The following MIPOL1 variants were observed in gnomAD, a reference collection of about 807,000 sequenced individuals.
MIPOL1 encodes the protein mirror-image polydactyly 1.
In MIPOL1, 57 loss-of-function variants were observed where a neutral mutation model predicts 60.9. The ratio of observed to expected loss-of-function variants is 0.94; its 90% CI spans 0.76 to 1.17. The LOEUF is 1.17. MIPOL1 is among the 50% of genes most tolerant of loss of function. The probability of loss-of-function intolerance (pLI) is 0.00; values close to 1 mark genes in which losing one functional copy is unlikely to be tolerated. For synonymous variants in MIPOL1, 179 were observed against 168.8 expected (o/e 1.06, Z -0.47); for missense variants, 551 against 511.6 (o/e 1.08, Z -0.74).
chr14:37,425,472 T>C (rs1227691161), intron 11 of MIPOL1, among the ~76,000 whole-genome samples: 5 of 152,172 alleles, frequency 3.3e-5, no homozygotes, highest in African/African-American at 1.2e-4. Flanking sequence ...ACAACTACTT[T>C]TCTCACTGCT....
chr14:37,474,095 G>A (rs1029661172), intron 11 of MIPOL1, among the ~76,000 whole-genome samples: 3 of 152,110 alleles, frequency 2.0e-5, no homozygotes, highest in South Asian at 4.1e-4. Flanking sequence ...TTCATGGCTC[G>A]ATAGTTCTTT....
intron 7 of MIPOL1, among the ~76,000 whole-genome samples, chr14:37,299,708 C>G (rs1264096911): frequency 1.3e-5 from 2 of 152,216 alleles, no homozygotes; most frequent in Non-Finnish European, 2.9e-5. Context: ...TTGTTAACAT[C>G]TTAAATTACC....
At position 37,285,333 on chromosome 14, in the gene MIPOL1, T is replaced by C. The variant is rs763341881; in HGVS notation, c.509T>C (p.Val170Ala). The change falls in exon 7 of 13, where the codon GTG becomes GCG. Residue 170 changes from valine to alanine, a missense_variant. Coordinates refer to ENST00000684589, the MANE Select transcript of MIPOL1 (RefSeq NM_001388067.1). ...ATTTTGGTAGCTCTGGTTGAAGAAG[T>C]GTATTTTGCGCAGAAGGAACGTGAT... ...AEKTAALVEE[V>A]YFAQKERDEA... 1.2e-6 allele frequency: 2 copies of C among 1,614,032 alleles called. No individual in the cohort carries two copies. The highest frequency in any genetic ancestry group is 8.5e-7 in the Non-Finnish European group (1 of 1,179,962).
chr14:37,367,838 T>C (rs955384426), intron 9 of MIPOL1, among the ~76,000 whole-genome samples: 4 of 152,120 alleles, frequency 2.6e-5, no homozygotes, highest in Non-Finnish European at 5.9e-5. Context: ...GTACAGTTAG[T>C]GCTATGCCGT....
At chr14:37,240,744 A>G (rs1485993492) in intron 1 of MIPOL1, among the ~76,000 whole-genome samples, 1 of 152,038 alleles carries the variant, frequency 6.6e-6, no homozygotes, top group African/African-American at 2.4e-5. Context: ...GCAGTGCCAT[A>G]TTCATTCTCA....
chr14:37,261,669 G>A (rs565559295), intron 3 of MIPOL1, among the ~76,000 whole-genome samples: 1 of 152,266 alleles, frequency 6.6e-6, no homozygotes, highest in South Asian at 2.1e-4. Context: ...TAGCAAAGCA[G>A]ATTCTAAAGA....
chr14:37,234,895 C>A (rs1371721408), intron 1 of MIPOL1, among the ~76,000 whole-genome samples: 1 of 151,792 alleles, frequency 6.6e-6, no homozygotes, highest in Admixed American at 6.6e-5. Context: ...CCTGCCTCAG[C>A]CTCCCGAGTA....
intron 4 of MIPOL1, 146 bp from the exon 5 acceptor site, chr14:37,268,512 G>A (rs41307090): frequency 0.021 from 11,973 of 564,960 alleles, 368 homozygotes; most frequent in African/African-American, 0.11. Context: ...TTTAATATAA[G>A]GCCTTCAAAA....
At chr14:37,382,378 A>T (rs2092948041) in intron 10 of MIPOL1, among the ~76,000 whole-genome samples, 2 of 152,052 alleles carry the variant, frequency 1.3e-5, no homozygotes, top group Admixed American at 6.6e-5. Context: ...TAAACTTACT[A>T]TTGTCAAATG....
intron 11 of MIPOL1, among the ~76,000 whole-genome samples, chr14:37,470,561 A>C (rs2094671641): frequency 6.6e-6 from 1 of 152,000 alleles, no homozygotes; most frequent in Non-Finnish European, 1.5e-5. Context: ...CATGCTTGTA[A>C]GTTTTCTGAG....
In MIPOL1 at chr14:37,375,467, G is replaced by A. The variant is rs112741432; in HGVS notation, c.936+5843G>A. 2.0e-5 allele frequency among the ~76,000 whole-genome samples: 3 copies of A among 152,176 alleles called. 1 individual carries two copies. Among genetic ancestry groups the A allele is most frequent in the African/African-American group, 7.2e-5 (3 of 41,524 alleles). On this transcript the variant is annotated intron_variant, in intron 10 of 12. Coordinates refer to ENST00000684589, the MANE Select transcript of MIPOL1 (RefSeq NM_001388067.1). Reference sequence around the variant, plus strand: ...CCCACAGTGCGGGGATTACAGACATGAGCTGCCATGCCCAGCCTCCTTTTT... The same window carrying A: ...CCCACAGTGCGGGGATTACAGACATAAGCTGCCATGCCCAGCCTCCTTTTT...
chr14:37,304,680 A>G (rs892657450), intron 7 of MIPOL1, among the ~76,000 whole-genome samples: 6 of 151,842 alleles, frequency 4.0e-5, no homozygotes, highest in African/African-American at 9.7e-5. Flanking sequence ...TTCAGAAAAG[A>G]AAAGGGTGAT....
chr14:37,253,551 G>A (rs970907166), intron 3 of MIPOL1, among the ~76,000 whole-genome samples: 2 of 151,672 alleles, frequency 1.3e-5, no homozygotes, highest in Non-Finnish European at 3.0e-5. Context: ...TAAAACAAAG[G>A]TGGTTGACAA....
At chr14:37,397,026 T>C (rs1034964491) in intron 10 of MIPOL1, 3 of 152,150 alleles carry the variant, frequency 2.0e-5, no homozygotes, top group Admixed American at 1.3e-4. Flanking sequence ...TGAGTTAGTA[T>C]GATTTTTGGG....
chr14:37,369,165 G>T (rs1188356580), intron 9 of MIPOL1, among the ~76,000 whole-genome samples: 3 of 151,856 alleles, frequency 2.0e-5, no homozygotes, highest in Non-Finnish European at 4.4e-5. Flanking sequence ...AATCCAATAT[G>T]ATTTTTAGAA....
chr14:37,481,944 G>T (rs747842431), intron 11 of MIPOL1, among the ~76,000 whole-genome samples: 1 of 152,050 alleles, frequency 6.6e-6, no homozygotes, highest in African/African-American at 2.4e-5. Flanking sequence ...ACTCAAAATG[G>T]TTAAGGACTT....
intron 3 of MIPOL1, among the ~76,000 whole-genome samples, chr14:37,255,769 A>G (rs1974822029): frequency 6.6e-6 from 1 of 151,900 alleles, no homozygotes; most frequent in African/African-American, 2.4e-5. Flanking sequence ...GATGAAATTG[A>G]TAATACTTTG....
intron 1 of MIPOL1, among the ~76,000 whole-genome samples, chr14:37,216,370 T>G (rs2139411671): frequency 6.6e-6 from 1 of 152,304 alleles, no homozygotes; most frequent in East Asian, 1.9e-4. Context: ...GTATTGAACA[T>G]ATTTTCCAGA....
intron 1 of MIPOL1, among the ~76,000 whole-genome samples, chr14:37,243,128 A>C (rs903115762): frequency 7.2e-5 from 11 of 152,212 alleles, no homozygotes; most frequent in African/African-American, 2.7e-4. Context: ...TATTTTTGTA[A>C]ATATTTTTAG....
Sources: gnomAD v4.1 joint callset for allele counts (sites outside exome capture counted in the v4.1 genomes callset) on GRCh38, gnomAD v4.1.1 for gene constraint, MANE v1.5 for transcripts, NCBI Gene and HGNC (gene_info 2026-07-23, HGNC 2026-07-21) for gene names.